STAG2: variants seen among roughly 807,000 people sequenced by gnomAD.
STAG2 encodes STAG2 cohesin complex component.
Under a neutral mutation model 108.1 loss-of-function variants are expected in STAG2, and 14 were observed. The ratio of observed to expected loss-of-function variants is 0.13; its 90% CI spans 0.09 to 0.20. The LOEUF is 0.20. STAG2 is among the 10% of genes least tolerant of loss of function. The probability of loss-of-function intolerance (pLI) is 1.00; values close to 1 mark genes in which losing one functional copy is unlikely to be tolerated. For missense variants in STAG2, 440 were observed against 940.9 expected, an observed-to-expected ratio of 0.47 and a Z score of 6.96; for synonymous variants, 307 against 302.7, an observed-to-expected ratio of 1.01 and a Z score of -0.15.
Position 124,084,782 on chromosome X carries a change from C to A in STAG2, c.3053+1233C>A, listed in dbSNP as rs185975415. On this transcript the variant is annotated intron_variant, in intron 29 of 34. Coordinates refer to ENST00000371145, the MANE Select transcript of STAG2 (RefSeq NM_001042750.2). ...GAGAAATAAAAATTAAAACAAATAC[C>A]ATTTCTCACCTAGCACATTAGGAAA... Among the ~76,000 whole-genome samples, 46 of 112,286 alleles carry A rather than the reference C, an allele frequency of 4.1e-4. 1 individual carries two copies. The highest frequency in any genetic ancestry group is 1.4e-3 in the African/African-American group (43 of 30,944).
intron 6 of STAG2, among the ~76,000 whole-genome samples, chrX:124,042,049 G>C (rs1295254057): frequency 1.8e-5 from 2 of 110,945 alleles, no homozygotes; most frequent in Non-Finnish European, 3.8e-5. Flanking sequence ...CAGGCGTCTA[G>C]GTGGGCAGGA....
At chrX:124,089,336 TTTGA>T in intron 30 of STAG2, among the ~76,000 whole-genome samples, 1 of 112,671 alleles carries the variant, frequency 8.9e-6, no homozygotes, top group Non-Finnish European at 1.9e-5. Context: ...TGTACACAAA[TTTGA>T]CTTATTAATT....
intron 25 of STAG2, among the ~76,000 whole-genome samples, chrX:124,072,157 G>GGT (rs2148380032): frequency 9.0e-6 from 1 of 111,269 alleles, no homozygotes; most frequent in East Asian, 2.8e-4. Flanking sequence ...GACTACAGGT[G>GGT]GTGTGCCACC....
At chrX:124,082,249 CCTT>C (rs2058980361) in intron 28 of STAG2, among the ~76,000 whole-genome samples, 2 of 111,474 alleles carry the variant, frequency 1.8e-5, no homozygotes, top group African/African-American at 6.5e-5. Flanking sequence ...TGATCCACAC[CCTT>C]CTTTCCATCT....
At chrX:124,006,351 C>T (rs1380252834) in intron 1 of STAG2, among the ~76,000 whole-genome samples, 1 of 110,971 alleles carries the variant, frequency 9.0e-6, no homozygotes, top group East Asian at 2.8e-4. Flanking sequence ...AAGCTCTTTG[C>T]CAGAGTGGCT....
chrX:123,987,844 T>G (rs2147730647), intron 1 of STAG2, among the ~76,000 whole-genome samples: 1 of 111,931 alleles, frequency 8.9e-6, no homozygotes, highest in East Asian at 2.8e-4. Context: ...GAGTAGATTA[T>G]CACATCTGGT....
chrX:124,090,645 GCAGACAC>G lies in STAG2; in HGVS notation c.3351_3357del (p.Gln1117HisfsTer8). 1 of 1,208,485 alleles carries G rather than the reference GCAGACAC, an allele frequency of 8.3e-7. No individual in the cohort carries two copies. The highest frequency in any genetic ancestry group is 1.1e-6 in the Non-Finnish European group (1 of 893,517). On this transcript the variant is annotated frameshift_variant, in exon 31 of 35. Transcript: ENST00000371145. LOFTEE classifies it high-confidence loss of function. ...AAACACTGCACACCCCTGTTATGAT[GCAGACAC>G]CACAACTCACCTCCACTATTATGAG...
rs2058512444 is a variant in STAG2 at position 124,065,965 on chromosome X, T to C, written c.2096+19T>C. On this transcript the variant is annotated intron_variant, in intron 21 of 34. Transcript: ENST00000371145. ...TTCATAAGTAAGTTGAATTTTGAAGTTCCTGTTTTCTTAAATCTGTAGAAA... is the reference window on the plus strand; with the variant it reads ...TTCATAAGTAAGTTGAATTTTGAAGCTCCTGTTTTCTTAAATCTGTAGAAA... 8.8e-7 allele frequency: 1 copy of C among 1,131,977 alleles called. No individual in the cohort carries two copies. Among genetic ancestry groups the C allele is most frequent in the South Asian group, 2.1e-5 (1 of 47,373 alleles). The allele number at this position is 1,131,977 out of a possible 1,213,427, so 93.3% of individuals were successfully genotyped here.
At chrX:123,985,680 C>T (rs1482758135) in intron 1 of STAG2, among the ~76,000 whole-genome samples, 1 of 110,039 alleles carries the variant, frequency 9.1e-6, no homozygotes, top group African/African-American at 3.3e-5. Context: ...CAGTAATCCA[C>T]CCCCTTCAGC....
chrX:124,055,681 G>T (rs374998920), intron 13 of STAG2, among the ~76,000 whole-genome samples: 3 of 111,667 alleles, frequency 2.7e-5, no homozygotes, highest in African/African-American at 9.8e-5. Context: ...TCAGTACATG[G>T]TGGATGAAGC....
At chrX:123,982,667 G>A (rs1466529940) in intron 1 of STAG2, among the ~76,000 whole-genome samples, 5 of 110,143 alleles carry the variant, frequency 4.5e-5, no homozygotes, top group South Asian at 3.9e-4. Context: ...GATTATAGGC[G>A]TGAGCCACCG....
intron 1 of STAG2, among the ~76,000 whole-genome samples, chrX:123,990,941 T>G (rs2055427941): frequency 8.9e-6 from 1 of 111,760 alleles, no homozygotes; most frequent in South Asian, 3.7e-4. Flanking sequence ...CTTCCAGATT[T>G]AGATTGAGGT....
At chrX:123,987,212 G>A (rs1266359212) in intron 1 of STAG2, among the ~76,000 whole-genome samples, 1 of 109,024 alleles carries the variant, frequency 9.2e-6, no homozygotes, top group Non-Finnish European at 1.9e-5. Flanking sequence ...GGCTGATCTC[G>A]AACTCCTGAC....
chrX:123,987,137 T>A (rs1385229421), intron 1 of STAG2, among the ~76,000 whole-genome samples: 1 of 104,045 alleles, frequency 9.6e-6, no homozygotes, highest in Admixed American at 1.0e-4. Flanking sequence ...GGATTACAGG[T>A]GTGCGCCACC....
chrX:124,077,822 T>A lies in STAG2; in HGVS notation c.2674-135T>A, dbSNP rs144099760. On this transcript the variant is annotated intron_variant, in intron 26 of 34. Transcript: ENST00000371145. ...AATGATCTTTAGGTTTCAGTAACAT[T>A]CTTTCCTGCCTTTGAAGGCATAATT... 5.5e-3 allele frequency: 2,127 copies of A among 384,250 alleles called. 41 individuals carry two copies. The highest frequency in any genetic ancestry group is 0.052 in the African/African-American group (1,943 of 37,383). 31.7% of individuals were successfully genotyped at this position (384,250 alleles called of 1,213,427 possible). A position where few individuals can be genotyped will look rare whatever the true frequency, so the allele number is the denominator to read the frequency against.
At chrX:123,971,421 C>G (rs1280382001) in intron 1 of STAG2, among the ~76,000 whole-genome samples, 1 of 111,880 alleles carries the variant, frequency 8.9e-6, no homozygotes, top group Non-Finnish European at 1.9e-5. Flanking sequence ...GAGCAAGACT[C>G]TTGTCTCTAA....
chrX:124,057,817 A>C (rs1603059186), intron 14 of STAG2, 49 bp from the exon 15 acceptor site: 12 of 877,863 alleles, frequency 1.4e-5, no homozygotes, highest in Non-Finnish European at 1.9e-5. Context: ...TTTATTAGAA[A>C]ATTTTTTGTT....
At chrX:123,976,078 G>T (rs890884005) in intron 1 of STAG2, among the ~76,000 whole-genome samples, 1 of 111,477 alleles carries the variant, frequency 9.0e-6, no homozygotes, top group African/African-American at 3.3e-5. Flanking sequence ...GTTCCAGACC[G>T]GCCTGGGCAA....
At chrX:124,018,508 A>G (rs373177668) in intron 1 of STAG2, among the ~76,000 whole-genome samples, 2 of 110,466 alleles carry the variant, frequency 1.8e-5, no homozygotes, top group African/African-American at 6.6e-5. Flanking sequence ...ATGGATGGAT[A>G]GATGGATGGA....
Sources: allele counts gnomAD v4.1 joint callset (sites outside exome capture counted in the v4.1 genomes callset), GRCh38; gene constraint gnomAD v4.1.1; transcripts MANE v1.5; gene names NCBI Gene and HGNC (gene_info 2026-07-23, HGNC 2026-07-21).